Variants in KDM4B observed in about 807,000 individuals in gnomAD.
KDM4B encodes lysine demethylase 4B.
A neutral mutation model predicts 125.2 loss-of-function variants in KDM4B; 32 were observed. The observed-to-expected ratio is 0.26, with a 90% CI of 0.19 to 0.34. The LOEUF (loss-of-function observed/expected upper bound fraction) is 0.34. Ranked by LOEUF, KDM4B falls within the 10% of genes least tolerant of loss-of-function variation. KDM4B has a pLI of 1.00. For missense variants in KDM4B, 1,190 were observed against 1,577.7 expected, an observed-to-expected ratio of 0.75 and a Z score of 4.16; for synonymous variants, 721 against 677.9, an observed-to-expected ratio of 1.06 and a Z score of -0.99.
At chr19:5,045,068 G>A (rs972334248) in intron 5 of KDM4B, among the ~76,000 whole-genome samples, 1 of 152,218 alleles carries the variant, frequency 6.6e-6, no homozygotes, top group African/African-American at 2.4e-5. Context: ...ATACCAAGGA[G>A]TACAGTTGCT....
At chr19:5,039,298 T>A (rs72620527) in intron 3 of KDM4B, among the ~76,000 whole-genome samples, 32,395 of 151,954 alleles carry the variant, frequency 0.21, 4,507 homozygotes, top group East Asian at 0.65. Context: ...TAAAATTTTT[T>A]AAAAAAATTA....
chr19:5,120,514 T>A (rs1033482747), intron 11 of KDM4B, among the ~76,000 whole-genome samples: 8 of 152,116 alleles, frequency 5.3e-5, no homozygotes, highest in African/African-American at 1.9e-4. Context: ...GGCAGCCGCC[T>A]TCCCACAGGA....
At chr19:4,977,869 C>T (rs549007274) in intron 1 of KDM4B, among the ~76,000 whole-genome samples, 20 of 152,152 alleles carry the variant, frequency 1.3e-4, no homozygotes, top group Non-Finnish European at 2.6e-4. Flanking sequence ...AGTGAGGGGG[C>T]GCCACCCTGG....
chr19:4,987,659 G>T (rs901647980), intron 1 of KDM4B, among the ~76,000 whole-genome samples: 1 of 152,192 alleles, frequency 6.6e-6, no homozygotes, highest in Non-Finnish European at 1.5e-5. Context: ...GTCCGGGATG[G>T]CAATGCTTCT....
intron 1 of KDM4B, among the ~76,000 whole-genome samples, chr19:5,002,313 G>A (rs1019936606): frequency 1.3e-5 from 2 of 151,618 alleles, no homozygotes; most frequent in African/African-American, 4.8e-5. Context: ...ATTTTCCCTC[G>A]GTCTCTGGAT....
chr19:5,056,779 G>A (rs2037407904), intron 6 of KDM4B, among the ~76,000 whole-genome samples: 1 of 152,056 alleles, frequency 6.6e-6, no homozygotes, highest in Non-Finnish European at 1.5e-5. Flanking sequence ...GCAGCACGGG[G>A]CATGTGTCAC....
intron 6 of KDM4B, among the ~76,000 whole-genome samples, chr19:5,048,812 G>T (rs1004089610): frequency 1.3e-5 from 2 of 152,198 alleles, no homozygotes; most frequent in African/African-American, 4.8e-5. Context: ...CCGGGTTTGT[G>T]CCTCCATAGG....
chr19:5,094,303 G>A (rs1190658227), intron 9 of KDM4B, among the ~76,000 whole-genome samples: 3 of 152,222 alleles, frequency 2.0e-5, no homozygotes, highest in East Asian at 1.9e-4. Flanking sequence ...TGAGTAGCGC[G>A]GGGAACAGCA....
chr19:4,983,029 T>TAA (rs1422639995), intron 1 of KDM4B, among the ~76,000 whole-genome samples: 5 of 152,138 alleles, frequency 3.3e-5, no homozygotes, highest in Non-Finnish European at 4.4e-5. Flanking sequence ...AATTAATTAT[T>TAA]ACAGTGTATT....
At chr19:5,129,698 G>A (rs1190139995) in intron 11 of KDM4B, among the ~76,000 whole-genome samples, 1 of 152,162 alleles carries the variant, frequency 6.6e-6, no homozygotes, top group African/African-American at 2.4e-5. Flanking sequence ...ATCAACCACG[G>A]TTCCTCCTTC....
At chr19:5,031,791 C>T (rs2145614726) in intron 2 of KDM4B, among the ~76,000 whole-genome samples, 1 of 152,288 alleles carries the variant, frequency 6.6e-6, no homozygotes, top group Non-Finnish European at 1.5e-5. Context: ...CTCTAGTGCC[C>T]GCAGTGGGGA....
At position 5,138,000 on chromosome 19, in the gene KDM4B, C is replaced by T. The variant is rs754479042; in HGVS notation, c.2480C>T (p.Ala827Val). 5.6e-6 allele frequency: 9 copies of T among 1,612,574 alleles called. No individual in the cohort carries two copies. Among genetic ancestry groups the T allele is most frequent in the East Asian group, 2.2e-5 (1 of 44,892 alleles). ...HVICAIAVPE[A>V]RFLNVIERHP... is the part of the protein sequence containing the mutation. ...ATCTGTGCCATCGCAGTCCCCGAGG[C>T]GCGCTTCCTGAACGTGATTGAGCGC... The change falls in exon 18 of 23, where the codon GCG becomes GTG. Residue 827 changes from alanine (A) to valine (V), a missense_variant. By Grantham distance (64) the Ala-to-Val change is moderately conservative. Around this residue, in one of 7 missense-constraint regions of KDM4B, gnomAD observed 298 missense variants for 439.7 expected, o/e 0.68. Coordinates refer to ENST00000159111, the MANE Select transcript of KDM4B (RefSeq NM_015015.3).
chr19:5,024,648 T>TA (rs35726883), intron 2 of KDM4B, among the ~76,000 whole-genome samples: 102 of 140,750 alleles, frequency 7.2e-4, no homozygotes, highest in Middle Eastern at 7.4e-3. Context: ...ACAGCTGCCC[T>TA]AAAAAAAAAA....
At chr19:5,098,944 C>T (rs965630433) in intron 9 of KDM4B, among the ~76,000 whole-genome samples, 12 of 152,262 alleles carry the variant, frequency 7.9e-5, no homozygotes, top group Non-Finnish European at 1.6e-4. Context: ...ACAAAAGGTT[C>T]ATTCCAGTCA....
chr19:5,019,869 GGTGTGCAGGTGTTGGTGTGCAGGTGTTA>G (rs2036042259), intron 2 of KDM4B, among the ~76,000 whole-genome samples: 1 of 141,132 alleles, frequency 7.1e-6, no homozygotes, highest in African/African-American at 2.7e-5. Flanking sequence ...TGTCGGTGTG[GGTGTGCAGGTGTTGGTGTGCAGGTGTTA>G]GTGTGCAGGT....
In KDM4B at chr19:5,151,493, GC is replaced by G; in HGVS notation, c.3276del (p.Gly1093GlufsTer104). ...AGAGCCTCCTGCAGGTGCAGGGCCG[GC>G]CCGGAGCCCCCTTCTAGGACAGCTG... ...VESLLQVQGR[P>X]GAPF On this transcript the variant is annotated frameshift_variant, in exon 23 of 23. Coordinates refer to ENST00000159111, the MANE Select transcript of KDM4B (RefSeq NM_015015.3). LOFTEE classifies it high-confidence loss of function. 1 of 1,448,634 alleles carries G rather than the reference GC, an allele frequency of 6.9e-7. No homozygotes were observed. The highest frequency in any genetic ancestry group is 9.1e-7 in the Non-Finnish European group (1 of 1,097,708). 89.7% of individuals were successfully genotyped at this position (1,448,634 alleles called of 1,614,324 possible). A position where few individuals can be genotyped will look rare whatever the true frequency, so the allele number is the denominator to read the frequency against.
At chr19:5,112,042 C>T in intron 10 of KDM4B, 1 of 545,680 alleles carries the variant, frequency 1.8e-6, no homozygotes, top group Non-Finnish European at 3.3e-6. Context: ...TGCTTGAGTC[C>T]AGGGGTTTGA....
chr19:5,132,000 T>C lies in KDM4B; in HGVS notation c.1899T>C (p.Ser633=). 1 of 1,606,298 alleles carries C rather than the reference T, an allele frequency of 6.2e-7. No homozygotes were observed. The highest frequency in any genetic ancestry group is 8.5e-7 in the Non-Finnish European group (1 of 1,176,908). The change falls in exon 13 of 23, where the codon AGT becomes AGC. Residue 633 remains serine (S), a synonymous_variant. Transcript: ENST00000159111. ...PLSVVKQEAS[S]DEEASPFSGE... ...CGGTGGTGAAGCAGGAGGCCTCAAG[T>C]GACGAGGGTGAGTGGGGGGTCCCCA... is the stretch of plus-strand genomic sequence containing the variant.
At chr19:5,138,408 G>A (rs570623963) in intron 18 of KDM4B, 2 of 300,516 alleles carry the variant, frequency 6.7e-6, no homozygotes, top group Non-Finnish European at 6.3e-6. Flanking sequence ...CACGTGCCCC[G>A]ACACAACCGG....
Sources: gnomAD v4.1 joint callset for allele counts (sites outside exome capture counted in the v4.1 genomes callset) on GRCh38, gnomAD v4.1.1 for gene constraint, gnomAD v4.1.1 regional missense constraint, MANE v1.5 for transcripts, NCBI Gene and HGNC (gene_info 2026-07-23, HGNC 2026-07-21) for gene names.